Variants in DYNC1H1 observed in about 807,000 individuals in gnomAD.
DYNC1H1 encodes the protein dynein cytoplasmic 1 heavy chain 1.
Under a neutral mutation model 527.1 loss-of-function variants are expected in DYNC1H1, and 51 were observed. The ratio of observed to expected loss-of-function variants is 0.10; its 90% CI spans 0.08 to 0.12. DYNC1H1 has a LOEUF of 0.12. Among genes scored for constraint, DYNC1H1 ranks in the 10% least tolerant of loss-of-function variants. The probability of loss-of-function intolerance (pLI) is 1.00; values close to 1 mark genes in which losing one functional copy is unlikely to be tolerated. For missense variants in DYNC1H1, 2,771 were observed against 5,971.8 expected (o/e 0.46, Z 17.66); for synonymous variants, 2,189 against 2,278.8 (o/e 0.96, Z 1.12).
intron 25 of DYNC1H1, 34 bp downstream of exon 25, chr14:102,004,984 G>A: frequency 6.2e-7 from 1 of 1,614,220 alleles, no homozygotes; most frequent in Non-Finnish European, 8.5e-7. Flanking sequence ...GGCTCGTGGT[G>A]AAAACGCAGA....
Position 102,000,037 on chromosome 14 carries a change from G to A in DYNC1H1, c.3853G>A (p.Gly1285Arg), listed in dbSNP as rs2048112302. The part of the protein sequence containing the change: ...EALQALTIYE[G>R]KFGRLKDDRE... ...ACTTCAGGCTCTCACCATATATGAG[G>A]GGAAGTTTGGTAGGCTGAAGGACGA... The change falls in exon 17 of 78, where the codon GGG becomes AGG. Residue 1285 changes from glycine (G) to arginine (R), a missense_variant. This residue lies in a region of DYNC1H1 where 223 missense variants were observed against 462.5 expected (regional missense o/e 0.48). Coordinates refer to ENST00000360184, the MANE Select transcript of DYNC1H1 (RefSeq NM_001376.5). 1 of 1,614,226 alleles carries A rather than the reference G, an allele frequency of 6.2e-7. No homozygotes were observed. Among genetic ancestry groups the A allele is most frequent in the East Asian group, 2.2e-5 (1 of 44,890 alleles).
intron 9 of DYNC1H1, 116 bp downstream of exon 9, chr14:101,987,748 A>G (rs2047952122): frequency 3.3e-6 from 4 of 1,213,930 alleles, no homozygotes; most frequent in South Asian, 2.5e-5. Flanking sequence ...TGATAGTTCA[A>G]TTCCCCTCCA....
Position 101,998,883 on chromosome 14 carries a change from T to TC in DYNC1H1, c.3805-1106_3805-1105insC, listed in dbSNP as rs1404533100. ...GTGTTAGAGTTAAAACTTTTTCTTT[T>TC]TTTTTTTTTTTTTTTTGAGACGGAG... On this transcript the variant is annotated intron_variant, in intron 16 of 77. Transcript: ENST00000360184. Among the ~76,000 whole-genome samples the TC allele has an allele frequency of 1.5e-3, 214 of 141,708 alleles. 1 individual carries two copies. Among genetic ancestry groups the TC allele is most frequent in the African/African-American group, 5.9e-3 (206 of 35,088 alleles). 93.0% of individuals were successfully genotyped at this position (141,708 alleles called of 152,430 possible). A position where few individuals can be genotyped will look rare whatever the true frequency, so the allele number is the denominator to read the frequency against.
chr14:102,038,875 A>G lies in DYNC1H1; in HGVS notation c.11206+27A>G, dbSNP rs1297340165. On this transcript the variant is annotated intron_variant, in intron 59 of 77. Coordinates refer to ENST00000360184, the MANE Select transcript of DYNC1H1 (RefSeq NM_001376.5). This position sits in a 1 kb window ranked among gnomAD's most constrained non-coding sequence, Gnocchi z 7.2. ...TAGGATCTGGACCTGTGGCTTTTAG[A>G]TGGTTGGTGCAGGGGAAGGGGCTGA... 7.4e-6 allele frequency: 12 copies of G among 1,614,100 alleles called. No homozygotes were observed. In the South Asian group the frequency reaches 8.8e-5, roughly 12 times the overall value.
rs2047892846 is a variant in DYNC1H1, at chr14:101,983,614, G to A, written c.1461+5G>A. The A allele has an allele frequency of 6.2e-7, 1 of 1,613,246 alleles. No individual in the cohort carries two copies. Among genetic ancestry groups the A allele is most frequent in the Non-Finnish European group, 8.5e-7 (1 of 1,179,560 alleles). ...GTCAGGGTCCTGAGGCCACAGGTAA[G>A]ATTTGCATTCTAAAAGTTTGTGTTT... On this transcript the variant is annotated splice_donor_5th_base_variant and intron_variant, in intron 7 of 77. Transcript: ENST00000360184. This position sits in a 1 kb window ranked among gnomAD's most constrained non-coding sequence, Gnocchi z 5.3.
intron 23 of DYNC1H1, among the ~76,000 whole-genome samples, chr14:102,004,245 A>AAAGT (rs1370422644): frequency 6.6e-6 from 1 of 151,124 alleles, no homozygotes; most frequent in Non-Finnish European, 1.5e-5. Context: ...CTCCGTCTCA[A>AAAGT]AAATAAATAA....
rs775112499 is a variant in DYNC1H1, at chr14:102,033,337, C to T, written c.10266C>T (p.Asp3422=). The change falls in exon 54 of 78, where the codon GAC becomes GAT. Residue 3422 remains aspartate (D), a synonymous_variant. Transcript: ENST00000360184. The surrounding 1 kb of genome is among the most constrained non-coding windows in gnomAD (Gnocchi z 5.6). The part of the protein sequence containing the change: ...LRNELQKLED[D]AKDNQQKANE... ...ATGAGCTGCAGAAGCTGGAAGATGACGCCAAGGACAACCAGCAGAAGGCCA... is the reference window on the plus strand; with the variant it reads ...ATGAGCTGCAGAAGCTGGAAGATGATGCCAAGGACAACCAGCAGAAGGCCA... 8.1e-6 allele frequency: 13 copies of T among 1,614,178 alleles called. No homozygotes were observed. Among genetic ancestry groups the T allele is most frequent in the East Asian group, 4.5e-5 (2 of 44,888 alleles).
chr14:102,009,405 G>A (rs749169238), intron 29 of DYNC1H1: 18 of 198,912 alleles, frequency 9.0e-5, no homozygotes, highest in Non-Finnish European at 1.3e-4. Context: ...GTTCCAAAGT[G>A]GCTCAGAGGT....
At position 102,011,629 on chromosome 14, in the gene DYNC1H1, G is replaced by T. The variant is rs1049835894; in HGVS notation, c.6619-246G>T. 1 of 524,430 alleles carries T rather than the reference G, an allele frequency of 1.9e-6. No homozygotes were observed. The highest frequency in any genetic ancestry group is 3.1e-5 in the Admixed American group (1 of 31,750). 32.5% of individuals were successfully genotyped at this position (524,430 alleles called of 1,614,324 possible). On this transcript the variant is annotated intron_variant, in intron 32 of 77. Transcript: ENST00000360184. The surrounding 1 kb of genome is among the most constrained non-coding windows in gnomAD (Gnocchi z 5.3). Reference sequence around the variant, plus strand: ...TTTAATAATCCATAGATAGGCGCTTGTAAAGCCAGCTACTTGGGAGAGTGA... The same window carrying T: ...TTTAATAATCCATAGATAGGCGCTTTTAAAGCCAGCTACTTGGGAGAGTGA...
In DYNC1H1 at chr14:101,983,135, A is replaced by G; in HGVS notation, c.1078A>G (p.Ile360Val). 6.2e-7 allele frequency: 1 copy of G among 1,614,200 alleles called. No homozygotes were observed. Among genetic ancestry groups the G allele is most frequent in the Non-Finnish European group, 8.5e-7 (1 of 1,180,042 alleles). ...LDKIRQALVAIFTHLRKIRNT... is the reference protein window; with the variant it reads ...LDKIRQALVAVFTHLRKIRNT... ...CAAAATAAGACAGGCGCTTGTTGCCATTTTCACACATTTGAGAAAGATCCG... is the reference window on the plus strand; with the variant it reads ...CAAAATAAGACAGGCGCTTGTTGCCGTTTTCACACATTTGAGAAAGATCCG... The change falls in exon 6 of 78, where the codon ATT (isoleucine) becomes GTT (valine). Residue 360 changes from isoleucine (I) to valine (V), a missense_variant. Ile to Val is a conservative substitution (Grantham distance 29). Transcript: ENST00000360184. This position sits in a 1 kb window ranked among gnomAD's most constrained non-coding sequence, Gnocchi z 5.3.
rs939623360 is a variant in DYNC1H1 at position 102,042,004 on chromosome 14, T to C, written c.12103-9T>C. The C allele has an allele frequency of 3.7e-6, 6 of 1,613,790 alleles. No individual in the cohort carries two copies. The African/African-American group carries it at 8.0e-5, about 22-fold the overall frequency. On this transcript the variant is annotated splice_polypyrimidine_tract_variant and intron_variant, in intron 65 of 77. Transcript: ENST00000360184. The surrounding 1 kb of genome is among the most constrained non-coding windows in gnomAD (Gnocchi z 5.7). ...GCACTGTAATAACTTCTGCCTTCTT[T>C]GTTTGCAGGTGAAGCCCAACACTCC...
chr14:102,039,226 T>A lies in DYNC1H1; in HGVS notation c.11432T>A (p.Ile3811Asn). ...YLPLSTACSS[I>N]YFTMESLKQI... ...CCGCTCTCCACCGCCTGCAGCAGCATCTACTTCACCATGGAGTCCCTCAAG... is the reference window on the plus strand; with the variant it reads ...CCGCTCTCCACCGCCTGCAGCAGCAACTACTTCACCATGGAGTCCCTCAAG... Residue 3811 changes from isoleucine (I) to asparagine (N), a missense_variant, in exon 60 of 78, where the codon ATC (isoleucine) becomes AAC (asparagine). Physicochemically the swap from Ile to Asn is moderately radical, Grantham distance 149. This residue lies in a region of DYNC1H1 where 283 missense variants were observed against 737.6 expected (regional missense o/e 0.38). Coordinates refer to ENST00000360184, the MANE Select transcript of DYNC1H1 (RefSeq NM_001376.5). The surrounding 1 kb of genome is among the most constrained non-coding windows in gnomAD (Gnocchi z 7.0). The A allele has an allele frequency of 6.2e-7, 1 of 1,613,934 alleles. No homozygotes were observed. The highest frequency in any genetic ancestry group is 8.5e-7 in the Non-Finnish European group (1 of 1,180,028).
chr14:102,001,122 C>T lies in DYNC1H1; in HGVS notation c.4186-23C>T. On this transcript the variant is annotated intron_variant, in intron 19 of 77. Coordinates refer to ENST00000360184, the MANE Select transcript of DYNC1H1 (RefSeq NM_001376.5). This position sits in a 1 kb window ranked among gnomAD's most constrained non-coding sequence, Gnocchi z 5.0. Reference sequence around the variant, plus strand: ...CCATTAGAAACGCACCTGCACAGATCACTTTGTTTACTTTCTCCACAGATA... The same window carrying T: ...CCATTAGAAACGCACCTGCACAGATTACTTTGTTTACTTTCTCCACAGATA... The T allele has an allele frequency of 6.2e-7, 1 of 1,614,152 alleles. No homozygotes were observed. Among genetic ancestry groups the T allele is most frequent in the Non-Finnish European group, 8.5e-7 (1 of 1,180,016 alleles).
intron 72 of DYNC1H1, 164 bp from the exon 73 acceptor site, chr14:102,047,653 A>G (rs1246313657): frequency 4.0e-6 from 2 of 505,450 alleles, no homozygotes; most frequent in Non-Finnish European, 3.5e-6. Flanking sequence ...ATATATATAT[A>G]TATATATATA....
At position 101,990,076 on chromosome 14, in the gene DYNC1H1, A is replaced by G. The variant is rs536811279; in HGVS notation, c.2868+1224A>G. Among the ~76,000 whole-genome samples the G allele has an allele frequency of 9.2e-5, 14 of 152,274 alleles. No individual in the cohort carries two copies. In the East Asian group the frequency reaches 1.9e-3, roughly 21 times the overall value. ...AGCGGGCTGTCATCTAGACTTGTGT[A>G]GGTACATGCTGTGGAGTTTGCACAG... On this transcript the variant is annotated intron_variant, in intron 10 of 77. Transcript: ENST00000360184.
At chr14:101,999,910 T>C in intron 16 of DYNC1H1, 79 bp from the exon 17 acceptor site, 2 of 1,604,788 alleles carry the variant, frequency 1.2e-6, no homozygotes, top group Middle Eastern at 1.7e-4. Flanking sequence ...CTGCAGGCTC[T>C]GTGCACCATT....
chr14:102,029,544 T>C lies in DYNC1H1; in HGVS notation c.9474T>C (p.Asn3158=). The C allele has an allele frequency of 3.7e-6, 6 of 1,614,206 alleles. No homozygotes were observed. The highest frequency in any genetic ancestry group is 1.1e-5 in the South Asian group (1 of 91,084). ...ATGTAACTATTTTCTGAAAGGCGAA[T>C]GCTCGGCTAGCAAAGCGAGGCGGCA... ...VFVHQTLHQA[N]ARLAKRGGRT... is the part of the protein sequence containing the mutation. The change falls in exon 49 of 78, where the codon AAT becomes AAC. Residue 3158 remains asparagine, a synonymous_variant. Coordinates refer to ENST00000360184, the MANE Select transcript of DYNC1H1 (RefSeq NM_001376.5). The surrounding 1 kb of genome is among the most constrained non-coding windows in gnomAD (Gnocchi z 5.3).
Position 102,010,410 on chromosome 14 carries a change from G to A in DYNC1H1, c.6356G>A (p.Gly2119Glu), listed in dbSNP as rs2048244743. The A allele has an allele frequency of 6.2e-7, 1 of 1,614,046 alleles. No homozygotes were observed. The highest frequency in any genetic ancestry group is 1.1e-5 in the South Asian group (1 of 91,082). The change falls in exon 31 of 78, where the codon GGG becomes GAG. Residue 2119 changes from glycine to glutamate, a missense_variant. This residue lies in a region of DYNC1H1 where 56 missense variants were observed against 140.6 expected (regional missense o/e 0.40). Coordinates refer to ENST00000360184, the MANE Select transcript of DYNC1H1 (RefSeq NM_001376.5). The surrounding 1 kb of genome is among the most constrained non-coding windows in gnomAD (Gnocchi z 6.0). Reference protein sequence around the residue: ...QKIKREKEERGEAVDEGEIAE... With the variant: ...QKIKREKEEREEAVDEGEIAE... ...ATAAAGAGGGAGAAAGAGGAACGAG[G>A]GGAAGCAGTTGATGAAGGAGAAATT...
intron 7 of DYNC1H1, among the ~76,000 whole-genome samples, chr14:101,984,399 A>G (rs866758869): frequency 0.026 from 2,240 of 87,484 alleles, 17 homozygotes; most frequent in Middle Eastern, 0.058. Context: ...ATATGCGTAT[A>G]TATGTGTGTG....
Sources: allele counts gnomAD v4.1 joint callset (sites outside exome capture counted in the v4.1 genomes callset), GRCh38; gene constraint gnomAD v4.1.1; regional missense constraint gnomAD v4.1.1; non-coding constraint Gnocchi (gnomAD v3.1); transcripts MANE v1.5; gene names NCBI Gene and HGNC (gene_info 2026-07-23, HGNC 2026-07-21).